Variants in CHAF1B observed in about 807,000 individuals in gnomAD.
CHAF1B encodes the protein chromatin assembly factor 1 subunit B.
In CHAF1B, 10 loss-of-function variants were observed where a neutral mutation model predicts 60.7. The observed-to-expected ratio is 0.16, with a 90% CI of 0.10 to 0.28. The LOEUF is 0.28. Among genes scored for constraint, CHAF1B ranks in the 10% least tolerant of loss-of-function variants. The pLI is 1.00. For synonymous variants in CHAF1B, 261 were observed against 266.1 expected, an observed-to-expected ratio of 0.98 and a Z score of 0.19; for missense variants, 558 against 708.4, an observed-to-expected ratio of 0.79 and a Z score of 2.41.
rs541029865 is a variant in CHAF1B at position 36,405,984 on chromosome 21, G to C, written c.758-2777G>C. ...AAAAAAAAACAGTGATACTTGGGAG[G>C]GCATTTGCCTCACCACATATCAGAA... On this transcript the variant is annotated intron_variant, in intron 8 of 13. Coordinates refer to ENST00000314103, the MANE Select transcript of CHAF1B (RefSeq NM_005441.3). Among the ~76,000 whole-genome samples, 132 of 151,872 alleles carry C rather than the reference G, an allele frequency of 8.7e-4. 2 individuals are homozygous for C. Among genetic ancestry groups the C allele is most frequent in the East Asian group, 5.8e-4 (3 of 5,168 alleles).
chr21:36,393,116 G>A (rs893001355), intron 4 of CHAF1B, among the ~76,000 whole-genome samples: 1 of 152,238 alleles, frequency 6.6e-6, no homozygotes, highest in South Asian at 2.1e-4. Flanking sequence ...GCAGGCTGAG[G>A]CAGGAGAATC....
chr21:36,391,497 A>G (rs1172556409), intron 3 of CHAF1B, 54 bp from the exon 4 acceptor site: 5 of 1,058,356 alleles, frequency 4.7e-6, no homozygotes, highest in South Asian at 1.4e-5. Flanking sequence ...TAAAAATCCT[A>G]ATATGAAGGA....
chr21:36,416,471 C>G lies in CHAF1B; in HGVS notation c.*105C>G. The G allele has an allele frequency of 1.3e-6, 1 of 745,020 alleles. No individual in the cohort carries two copies. Among genetic ancestry groups the G allele is most frequent in the Non-Finnish European group, 2.1e-6 (1 of 467,208 alleles). The allele number at this position is 745,020 out of a possible 1,614,324, so 46.2% of individuals were successfully genotyped here. A position where few individuals can be genotyped will look rare whatever the true frequency, so the allele number is the denominator to read the frequency against. The stretch of plus-strand genomic sequence containing the variant: ...CAGGGCTTCCATGGAGCGGGACACA[C>G]TGTAAATGGATTTCTATAACAGAAG... On this transcript the variant is annotated 3_prime_UTR_variant, in exon 14 of 14. Transcript: ENST00000314103.
rs571719858 is a variant in CHAF1B at position 36,411,365 on chromosome 21, C to T, written c.920-98C>T. 101 of 1,440,052 alleles carry T rather than the reference C, an allele frequency of 7.0e-5. No homozygotes were observed. In the South Asian group the frequency reaches 7.2e-4, roughly 10 times the overall value. 89.2% of individuals were successfully genotyped at this position (1,440,052 alleles called of 1,614,324 possible). On this transcript the variant is annotated intron_variant, in intron 10 of 13. Transcript: ENST00000314103. ...CTGAGCTCAAGTGATCCACCCGGCT[C>T]GGCCTCCCAAAGTGCTGGGATTCTA...
At chr21:36,386,019 C>A (rs1055617297) in intron 1 of CHAF1B, 41 bp from the exon 2 acceptor site, 1 of 1,272,844 alleles carries the variant, frequency 7.9e-7, no homozygotes, top group Admixed American at 2.0e-5. Flanking sequence ...CGCTCAATAA[C>A]CCTTTGCTGC....
chr21:36,398,052 A>C, intron 6 of CHAF1B: 1 of 145,550 alleles, frequency 6.9e-6, no homozygotes. Context: ...TATTATTATT[A>C]CTATTTTTTT....
Position 36,387,676 on chromosome 21 carries a change from G to A in CHAF1B, c.205G>A (p.Val69Ile), listed in dbSNP as rs571727084. ...LSNLARHTKA[V>I]NVVRFSPTGE... is the part of the protein sequence containing the mutation. ...CAATCTTGCTCGTCATACCAAAGCC[G>A]TCAATGTTGTGCGTTTTTCTCCAAC... The change falls in exon 3 of 14, where the codon GTC becomes ATC. Residue 69 changes from valine (V) to isoleucine (I), a missense_variant. By Grantham distance (29) the Val-to-Ile change is conservative (BLOSUM62 3). Around this residue, in one of 2 missense-constraint regions of CHAF1B, gnomAD observed 325 missense variants for 493.5 expected, o/e 0.66. Transcript: ENST00000314103. 33 of 1,614,182 alleles carry A rather than the reference G, an allele frequency of 2.0e-5. No individual in the cohort carries two copies. Among genetic ancestry groups the A allele is most frequent in the South Asian group, 6.6e-5 (6 of 91,084 alleles).
intron 10 of CHAF1B, among the ~76,000 whole-genome samples, chr21:36,410,385 T>A (rs1367906965): frequency 6.6e-6 from 1 of 152,232 alleles, no homozygotes; most frequent in Non-Finnish European, 1.5e-5. Context: ...GTTATTCCCT[T>A]CTCTTATTCA....
In CHAF1B at chr21:36,415,327, C is replaced by T; in HGVS notation, c.1526C>T (p.Thr509Ile). 6.2e-7 allele frequency: 1 copy of T among 1,612,546 alleles called. No homozygotes were observed. The highest frequency in any genetic ancestry group is 8.5e-7 in the Non-Finnish European group (1 of 1,178,746). The part of the protein sequence containing the change: ...RINLTPLKTD[T>I]PPSSVPTSVI... ...AACTTAACACCCTTAAAGACGGACACTCCACCAAGTTCTGTACCAACCAGT... is the reference window on the plus strand; with the variant it reads ...AACTTAACACCCTTAAAGACGGACATTCCACCAAGTTCTGTACCAACCAGT... Residue 509 changes from threonine (T) to isoleucine (I), a missense_variant, in exon 13 of 14, where the codon ACT (threonine) becomes ATT (isoleucine). By Grantham distance (89) the Thr-to-Ile change is moderately conservative. Around this residue, in one of 2 missense-constraint regions of CHAF1B, gnomAD observed 233 missense variants for 214.9 expected, o/e 1.08. Transcript: ENST00000314103.
chr21:36,403,603 G>A (rs958862596), intron 8 of CHAF1B, among the ~76,000 whole-genome samples: 19 of 151,902 alleles, frequency 1.3e-4, no homozygotes, highest in Non-Finnish European at 2.4e-4. Flanking sequence ...TCAATAAAGC[G>A]CATTTGTGAC....
At chr21:36,409,486 G>C (rs377536630) in intron 10 of CHAF1B, 21 bp downstream of exon 10, 8 of 1,582,504 alleles carry the variant, frequency 5.1e-6, no homozygotes, top group Non-Finnish European at 6.9e-6. Flanking sequence ...AGCCTCAGGG[G>C]TGTGTTATGT....
In CHAF1B at chr21:36,409,371, T is replaced by C. The variant is rs1318197118; in HGVS notation, c.828-3T>C. ...TTTCCTAACACTGCAATTAATCCAT[T>C]AGGCCCATCGCTCATCTTCCATGTC... On this transcript the variant is annotated splice_polypyrimidine_tract_variant and splice_region_variant and intron_variant, in intron 9 of 13. Transcript: ENST00000314103. The C allele has an allele frequency of 5.0e-6, 8 of 1,611,276 alleles. No homozygotes were observed. Among genetic ancestry groups the C allele is most frequent in the Non-Finnish European group, 6.8e-6 (8 of 1,177,714 alleles).
chr21:36,399,329 C>T (rs1420619723), intron 6 of CHAF1B, among the ~76,000 whole-genome samples, 192 bp from the exon 7 acceptor site: 4 of 152,202 alleles, frequency 2.6e-5, no homozygotes, highest in African/African-American at 9.6e-5. Flanking sequence ...AGCTACCGCG[C>T]CCGGCCTGTA....
rs921476501 is a variant in CHAF1B, at chr21:36,395,144, G to A, written c.481+494G>A. Among the ~76,000 whole-genome samples the A allele has an allele frequency of 2.2e-4, 34 of 151,954 alleles. No homozygotes were observed. The East Asian group carries it at 4.3e-3, about 19-fold the overall frequency. On this transcript the variant is annotated intron_variant, in intron 5 of 13. Transcript: ENST00000314103. ...TAGCTCACTGAAATCTCCACCTCCC[G>A]GGTTCAAGCGATTCTCCTGCCTCAG...
At position 36,409,392 on chromosome 21, in the gene CHAF1B, A is replaced by G; in HGVS notation, c.846A>G (p.Pro282=). The G allele has an allele frequency of 1.9e-6, 3 of 1,613,412 alleles. No individual in the cohort carries two copies. Among genetic ancestry groups the G allele is most frequent in the Middle Eastern group, 1.7e-4 (1 of 6,060 alleles). Residue 282 remains proline (P), a synonymous_variant, in exon 10 of 14, where the codon CCA becomes CCG. Coordinates refer to ENST00000314103, the MANE Select transcript of CHAF1B (RefSeq NM_005441.3). ...CCATTAGGCCCATCGCTCATCTTCC[A>G]TGTCCTGGAAAAGCCACTCTTGCTG... is the stretch of plus-strand genomic sequence containing the variant. ...KNLKRPIAHL[P]CPGKATLAVR...
Position 36,408,844 on chromosome 21 carries a change from G to C in CHAF1B, c.827+14G>C. The C allele has an allele frequency of 1.3e-6, 2 of 1,538,680 alleles. No individual in the cohort carries two copies. The highest frequency in any genetic ancestry group is 1.8e-6 in the Non-Finnish European group (2 of 1,112,138). ...GAATCTTAAAAGGTATGCAGTCAAG[G>C]AAATGTTTGAAATGTTTACATTTTT... On this transcript the variant is annotated intron_variant, in intron 9 of 13. Transcript: ENST00000314103.
In CHAF1B at chr21:36,394,533, T is replaced by C. The variant is rs75727002; in HGVS notation, c.378-14T>C. On this transcript the variant is annotated splice_polypyrimidine_tract_variant and intron_variant, in intron 4 of 13. Transcript: ENST00000314103. ...GGAGTAATTGCTTTTTTCCTCTTTGTTTTTGGATTCTAGGGGCCACTTAGA... is the reference window on the plus strand; with the variant it reads ...GGAGTAATTGCTTTTTTCCTCTTTGCTTTTGGATTCTAGGGGCCACTTAGA... 6.3e-7 allele frequency: 1 copy of C among 1,590,340 alleles called. No homozygotes were observed. The highest frequency in any genetic ancestry group is 8.6e-7 in the Non-Finnish European group (1 of 1,161,008).
intron 7 of CHAF1B, among the ~76,000 whole-genome samples, chr21:36,400,121 C>T (rs371708835): frequency 3.3e-5 from 5 of 151,570 alleles, no homozygotes; most frequent in African/African-American, 1.2e-4. Context: ...AGGTCTTAGC[C>T]GTGAGCGGAG....
intron 3 of CHAF1B, among the ~76,000 whole-genome samples, chr21:36,390,682 G>T (rs1167138102): frequency 1.3e-5 from 2 of 152,130 alleles, no homozygotes; most frequent in African/African-American, 4.8e-5. Context: ...TTGAGACAGG[G>T]TCTTGCTCTG....
Sources: gnomAD v4.1 joint callset for allele counts (sites outside exome capture counted in the v4.1 genomes callset) on GRCh38, gnomAD v4.1.1 for gene constraint, gnomAD v4.1.1 regional missense constraint, MANE v1.5 for transcripts, NCBI Gene and HGNC (gene_info 2026-07-23, HGNC 2026-07-21) for gene names.